Variants in LRRC8C observed in about 807,000 individuals in gnomAD.
LRRC8C encodes the protein volume-regulated anion channel subunit LRRC8C.
LRRC8C carries 20 observed loss-of-function variants against 55.3 expected under a neutral mutation model. That is an observed-to-expected ratio of 0.36 (90% CI 0.25 to 0.53). LRRC8C has a LOEUF of 0.53. LRRC8C is among the 20% of genes least tolerant of loss of function. The probability of loss-of-function intolerance (pLI) is 0.92; values close to 1 mark genes in which losing one functional copy is unlikely to be tolerated. For synonymous variants in LRRC8C, 376 were observed against 360.7 expected, an observed-to-expected ratio of 1.04 and a Z score of -0.48; for missense variants, 659 against 951.4, an observed-to-expected ratio of 0.69 and a Z score of 4.04.
rs1658876427 is a variant in LRRC8C, at chr1:89,718,148, T to C, written c.*3166T>C. 6.6e-6 allele frequency: 1 copy of C among 152,210 alleles called. No homozygotes were observed. Among genetic ancestry groups the C allele is most frequent in the South Asian group, 2.1e-4 (1 of 4,830 alleles). 9.4% of individuals were successfully genotyped at this position (152,210 alleles called of 1,614,324 possible). A position where few individuals can be genotyped will look rare whatever the true frequency, so the allele number is the denominator to read the frequency against. The stretch of plus-strand genomic sequence containing the variant: ...GCTCTTTTAATATAAAGATTCTTGA[T>C]ACAGTGAAATCTCTTATTTCAAGTG... On this transcript the variant is annotated 3_prime_UTR_variant, in exon 3 of 3. Transcript: ENST00000370454.
chr1:89,657,967 CTG>C (rs1656997385), intron 1 of LRRC8C, among the ~76,000 whole-genome samples: 1 of 152,090 alleles, frequency 6.6e-6, no homozygotes, highest in Non-Finnish European at 1.5e-5. Flanking sequence ...AAGTGTATGA[CTG>C]TGTGTAACTT....
chr1:89,651,476 G>T (rs1656776818), intron 1 of LRRC8C, among the ~76,000 whole-genome samples: 1 of 147,448 alleles, frequency 6.8e-6, no homozygotes, highest in Admixed American at 6.9e-5. Flanking sequence ...GCTGAGGCAG[G>T]AGAATGGCAT....
chr1:89,686,401 C>T (rs1185704145), intron 1 of LRRC8C, 69 bp from the exon 2 acceptor site: 2 of 1,549,438 alleles, frequency 1.3e-6, no homozygotes, highest in Non-Finnish European at 1.8e-6. Flanking sequence ...GTTGGAGCCA[C>T]ATTTGGTAAC....
the LRRC8C span, among the ~76,000 whole-genome samples, chr1:89,620,490 A>G: frequency 2.6e-5 from 4 of 152,076 alleles, no homozygotes; most frequent in African/African-American, 9.7e-5. Flanking sequence ...GACACATGCA[A>G]AATCAGGGAG....
At chr1:89,638,683 G>C (rs1656363308) in intron 1 of LRRC8C, among the ~76,000 whole-genome samples, 1 of 151,998 alleles carries the variant, frequency 6.6e-6, no homozygotes, top group Non-Finnish European at 1.5e-5. Context: ...CCCTTCAGCT[G>C]AAACTTACAT....
intron 1 of LRRC8C, among the ~76,000 whole-genome samples, chr1:89,638,831 A>G (rs1656370187): frequency 6.6e-6 from 1 of 151,980 alleles, no homozygotes; most frequent in African/African-American, 2.4e-5. Context: ...CAGACATTCA[A>G]CATCCTTTAT....
rs564278859 is a variant in LRRC8C at position 89,638,372 on chromosome 1, C to T, written c.-5+5050C>T. Among the ~76,000 whole-genome samples the T allele has an allele frequency of 2.6e-5, 4 of 152,208 alleles. No individual in the cohort carries two copies. In the South Asian group the frequency reaches 8.3e-4, roughly 32 times the overall value. ...CATAAATTGTAATAACACAGATACA[C>T]TGTGTATCTGTTTATGTACTGTGAC... On this transcript the variant is annotated intron_variant, in intron 1 of 2. Transcript: ENST00000370454.
chr1:89,659,093 G>A (rs1275268150), intron 1 of LRRC8C, among the ~76,000 whole-genome samples: 2 of 143,312 alleles, frequency 1.4e-5, no homozygotes, highest in African/African-American at 2.6e-5. Context: ...GTGTGTGTGT[G>A]TGTGTGTGTG....
intron 1 of LRRC8C, among the ~76,000 whole-genome samples, chr1:89,670,547 A>G (rs1478001058): frequency 2.0e-5 from 3 of 152,172 alleles, no homozygotes; most frequent in Non-Finnish European, 4.4e-5. Flanking sequence ...ATTTGGAGGG[A>G]TTACAAATCC....
chr1:89,696,885 C>T (rs1012869759), intron 2 of LRRC8C, among the ~76,000 whole-genome samples: 6 of 152,106 alleles, frequency 3.9e-5, no homozygotes, highest in African/African-American at 1.2e-4. Context: ...TGGAAAAGTG[C>T]GTAGATGAAA....
At position 89,712,786 on chromosome 1, in the gene LRRC8C, T is replaced by C. The variant is rs1193560289; in HGVS notation, c.216T>C (p.Ser72=). 6.2e-7 allele frequency: 1 copy of C among 1,614,194 alleles called. No homozygotes were observed. Among genetic ancestry groups the C allele is most frequent in the Non-Finnish European group, 8.5e-7 (1 of 1,180,040 alleles). ...ACCACTCTTCCCTTTCGAATGTCTCTCAAGCAGTTGCCAGTACCACTCCAC... is the reference window on the plus strand; with the variant it reads ...ACCACTCTTCCCTTTCGAATGTCTCCCAAGCAGTTGCCAGTACCACTCCAC... ...AQNHSSLSNV[S]QAVASTTPLP... The change falls in exon 3 of 3, where the codon TCT becomes TCC. Residue 72 remains serine, a synonymous_variant. Coordinates refer to ENST00000370454, the MANE Select transcript of LRRC8C (RefSeq NM_032270.5).
rs1553164920 is a variant in LRRC8C at position 89,659,055 on chromosome 1, T to TGG, written c.-5+25733_-5+25734insGG. Among the ~76,000 whole-genome samples the TGG allele has an allele frequency of 2.1e-4, 23 of 110,998 alleles. 1 individual carries two copies. Among genetic ancestry groups the TGG allele is most frequent in the Admixed American group, 1.9e-3 (19 of 10,218 alleles). 72.8% of individuals were successfully genotyped at this position (110,998 alleles called of 152,430 possible). On this transcript the variant is annotated intron_variant, in intron 1 of 2. Coordinates refer to ENST00000370454, the MANE Select transcript of LRRC8C (RefSeq NM_032270.5). ...AGGTTGTGTCTTCTCCAGGTTTTTT[T>TGG]TTTTTTTGTGTGTGTGTGTGTGTGT...
chr1:89,716,293 C>A lies in LRRC8C; in HGVS notation c.*1311C>A, dbSNP rs1658816299. The A allele has an allele frequency of 6.6e-6, 1 of 152,122 alleles. No individual in the cohort carries two copies. The allele number at this position is 152,122 out of a possible 1,614,324, so 9.4% of individuals were successfully genotyped here. A position where few individuals can be genotyped will look rare whatever the true frequency, so the allele number is the denominator to read the frequency against. Reference sequence around the variant, plus strand: ...TCAGATTTTGGTGTTCGAGGGCATCCTGGAATCAATTCCCCATGATACCGA... The same window carrying A: ...TCAGATTTTGGTGTTCGAGGGCATCATGGAATCAATTCCCCATGATACCGA... On this transcript the variant is annotated 3_prime_UTR_variant, in exon 3 of 3. Coordinates refer to ENST00000370454, the MANE Select transcript of LRRC8C (RefSeq NM_032270.5).
At chr1:89,679,100 A>G (rs1382811916) in intron 1 of LRRC8C, among the ~76,000 whole-genome samples, 1 of 152,212 alleles carries the variant, frequency 6.6e-6, no homozygotes, top group Non-Finnish European at 1.5e-5. Context: ...AGGACCTAAG[A>G]GTAAGCATTG....
intron 1 of LRRC8C, 76 bp from the exon 2 acceptor site, chr1:89,686,394 G>T: frequency 6.6e-7 from 1 of 1,506,650 alleles, no homozygotes; most frequent in Non-Finnish European, 9.1e-7. Context: ...GTGAGGAGTT[G>T]GAGCCACATT....
chr1:89,703,505 A>G (rs868394743), intron 2 of LRRC8C, among the ~76,000 whole-genome samples: 9 of 151,858 alleles, frequency 5.9e-5, no homozygotes, highest in African/African-American at 2.2e-4. Flanking sequence ...AGTGACTCAT[A>G]ATTTAATAAA....
chr1:89,661,206 A>ATT, intron 1 of LRRC8C: 1 of 222,702 alleles, frequency 4.5e-6, no homozygotes, highest in Admixed American at 5.1e-5. Flanking sequence ...ATAGTGAAAC[A>ATT]TTTGTTAGAA....
At chr1:89,697,805 T>C (rs1016535462) in intron 2 of LRRC8C, among the ~76,000 whole-genome samples, 4 of 152,214 alleles carry the variant, frequency 2.6e-5, no homozygotes, top group Admixed American at 2.0e-4. Flanking sequence ...TGTAATTCCT[T>C]GTTTGGCCTA....
intron 1 of LRRC8C, among the ~76,000 whole-genome samples, chr1:89,639,498 C>G (rs1453713701): frequency 6.6e-6 from 1 of 152,214 alleles, no homozygotes; most frequent in Non-Finnish European, 1.5e-5. Flanking sequence ...CTTTCAGCAT[C>G]TGGAGCCTGG....
Sources: allele counts gnomAD v4.1 joint callset (sites outside exome capture counted in the v4.1 genomes callset), GRCh38; gene constraint gnomAD v4.1.1; transcripts MANE v1.5; gene names NCBI Gene and HGNC (gene_info 2026-07-23, HGNC 2026-07-21).